COL14A1: variants seen among roughly 807,000 people sequenced by gnomAD.
The protein encoded by COL14A1 is collagen type XIV alpha 1 chain.
COL14A1 carries 136 observed loss-of-function variants against 230.3 expected under a neutral mutation model. The observed-to-expected ratio is 0.59, with a 90% CI of 0.51 to 0.68. The LOEUF (loss-of-function observed/expected upper bound fraction) is 0.68, where lower values mean the gene tolerates loss of function less well. Ranked by LOEUF, COL14A1 falls within the 30% of genes least tolerant of loss-of-function variation. The probability of loss-of-function intolerance (pLI) is 0.00; values close to 1 mark genes in which losing one functional copy is unlikely to be tolerated. For missense variants in COL14A1, 1,976 were observed against 2,215.8 expected (o/e 0.89, Z 2.17); for synonymous variants, 792 against 784.1 (o/e 1.01, Z -0.17).
chr8:120,363,978 G>T (rs75920168), intron 45 of COL14A1, among the ~76,000 whole-genome samples: 55 of 152,312 alleles, frequency 3.6e-4, no homozygotes, highest in South Asian at 6.2e-4. Context: ...GGTTCTACCT[G>T]CTATGGTTAT....
At chr8:120,270,771 T>C (rs1175877037) in intron 26 of COL14A1, among the ~76,000 whole-genome samples, 1 of 151,802 alleles carries the variant, frequency 6.6e-6, no homozygotes, top group Non-Finnish European at 1.5e-5. Flanking sequence ...TACACATCGT[T>C]GGCAGAAACG....
intron 20 of COL14A1, among the ~76,000 whole-genome samples, chr8:120,245,341 T>C (rs1818729908): frequency 1.3e-5 from 2 of 152,190 alleles, no homozygotes; most frequent in East Asian, 3.9e-4. Context: ...GCCTCATCAA[T>C]ACTGTTCACC....
chr8:120,315,746 A>G (rs1821202373), intron 39 of COL14A1, among the ~76,000 whole-genome samples, 160 bp downstream of exon 39: 1 of 152,200 alleles, frequency 6.6e-6, no homozygotes, highest in Non-Finnish European at 1.5e-5. Context: ...TGAGAGTCAC[A>G]CTGATGTTCC....
chr8:120,231,535 G>C lies in COL14A1; in HGVS notation c.2266G>C (p.Asp756His). The C allele has an allele frequency of 1.2e-6, 2 of 1,614,042 alleles. No individual in the cohort carries two copies. Among genetic ancestry groups the C allele is most frequent in the Non-Finnish European group, 1.7e-6 (2 of 1,179,986 alleles). ...TACTTCTAGCCTGCGGGTAAAATGGGACATTTCTGACAGCGATGTGCAGCA... is the reference window on the plus strand; with the variant it reads ...TACTTCTAGCCTGCGGGTAAAATGGCACATTTCTGACAGCGATGTGCAGCA... ...ETTSSLRVKW[D>H]ISDSDVQQFR... The change falls in exon 19 of 48, where the codon GAC becomes CAC. Residue 756 changes from aspartate to histidine, a missense_variant. Asp to His is a moderately conservative substitution (Grantham distance 81). Coordinates refer to ENST00000297848, the MANE Select transcript of COL14A1 (RefSeq NM_021110.4).
chr8:120,189,391 G>A (rs1816744475), intron 5 of COL14A1, among the ~76,000 whole-genome samples: 1 of 151,834 alleles, frequency 6.6e-6, no homozygotes, highest in Non-Finnish European at 1.5e-5. Flanking sequence ...ATACTTTGCA[G>A]TACAAAACCA....
chr8:120,336,527 C>G (rs1822077820), intron 42 of COL14A1, among the ~76,000 whole-genome samples: 1 of 152,120 alleles, frequency 6.6e-6, no homozygotes, highest in African/African-American at 2.4e-5. Flanking sequence ...CTCATTGGCC[C>G]CCTGGTCTCT....
At position 120,341,314 on chromosome 8, in the gene COL14A1, C is replaced by A. The variant is rs375361027; in HGVS notation, c.4786-11C>A. 3.6e-5 allele frequency: 58 copies of A among 1,613,890 alleles called. No individual in the cohort carries two copies. The highest frequency in any genetic ancestry group is 6.7e-5 in the East Asian group (3 of 44,888). On this transcript the variant is annotated splice_polypyrimidine_tract_variant and intron_variant, in intron 42 of 47. Transcript: ENST00000297848. ...TATCATAAGTAACTTGACAATTTTC[C>A]ATTTATACAGGGTGTCCCTGGAGCA...
chr8:120,174,844 G>A (rs927722797), intron 5 of COL14A1, among the ~76,000 whole-genome samples: 6 of 152,222 alleles, frequency 3.9e-5, no homozygotes, highest in Non-Finnish European at 7.4e-5. Context: ...CCAGGACAGA[G>A]TTACGGCTCC....
At chr8:120,327,140 A>G (rs1821701903) in intron 40 of COL14A1, among the ~76,000 whole-genome samples, 1 of 152,188 alleles carries the variant, frequency 6.6e-6, no homozygotes, top group African/African-American at 2.4e-5. Context: ...GTCCATGAAA[A>G]AAGTGCCAGA....
Position 120,248,917 on chromosome 8 carries a change from CTTTTTTT to C in COL14A1, c.2602+1202_2602+1208del, listed in dbSNP as rs71571673. 5.3e-4 allele frequency among the ~76,000 whole-genome samples: 45 copies of C among 84,224 alleles called. 1 individual carries two copies. In the South Asian group the frequency reaches 8.1e-3, roughly 15 times the overall value. 55.3% of individuals were successfully genotyped at this position (84,224 alleles called of 152,430 possible). A position where few individuals can be genotyped will look rare whatever the true frequency, so the allele number is the denominator to read the frequency against. On this transcript the variant is annotated intron_variant, in intron 21 of 47. Transcript: ENST00000297848. ...AAAAACTCCATTAGTTTCAATCTTT[CTTTTTTT>C]TTTTTTTTTTTTTTTTTTTGAGACG...
chr8:120,212,350 A>T lies in COL14A1; in HGVS notation c.1468-98A>T, dbSNP rs117409298. ...ATGAAGGGGTTGTAACAGGACGTAA[A>T]GTCTTATCCCATGAAGTCTCACCTT... On this transcript the variant is annotated intron_variant, in intron 12 of 47. Coordinates refer to ENST00000297848, the MANE Select transcript of COL14A1 (RefSeq NM_021110.4). 4,638 of 1,232,830 alleles carry T rather than the reference A, an allele frequency of 3.8e-3. 26 individuals carry two copies. The highest frequency in any genetic ancestry group is 4.6e-3 in the Non-Finnish European group (4,043 of 879,878). The allele number at this position is 1,232,830 out of a possible 1,614,324, so 76.4% of individuals were successfully genotyped here. A position where few individuals can be genotyped will look rare whatever the true frequency, so the allele number is the denominator to read the frequency against.
intron 9 of COL14A1, 53 bp downstream of exon 9, chr8:120,203,923 C>G (rs1167290386): frequency 5.2e-6 from 8 of 1,527,392 alleles, no homozygotes; most frequent in Non-Finnish European, 6.2e-6. Flanking sequence ...GGTGCACAAG[C>G]CTATTGTGAA....
chr8:120,359,160 C>A (rs186390402), intron 45 of COL14A1, among the ~76,000 whole-genome samples: 60 of 151,906 alleles, frequency 3.9e-4, no homozygotes, highest in African/African-American at 1.4e-3. Context: ...CTGCACCTAT[C>A]GACCCGTCAT....
intron 35 of COL14A1, among the ~76,000 whole-genome samples, chr8:120,299,074 C>G (rs895367242): frequency 5.3e-5 from 8 of 151,914 alleles, no homozygotes; most frequent in Admixed American, 4.6e-4. Context: ...CCCTATGATT[C>G]ATACCTGGCT....
chr8:120,218,547 C>T (rs904529253), intron 14 of COL14A1, among the ~76,000 whole-genome samples: 3 of 151,950 alleles, frequency 2.0e-5, no homozygotes, highest in Non-Finnish European at 4.4e-5. Context: ...TGACCTCAGG[C>T]AATCCGCCCG....
intron 5 of COL14A1, among the ~76,000 whole-genome samples, chr8:120,188,186 A>G (rs10955959): frequency 0.36 from 55,033 of 151,254 alleles, 10,383 homozygotes; most frequent in Admixed American, 0.49. Context: ...GGGTTCAAGC[A>G]ATTCTCCTGC....
chr8:120,244,114 A>G (rs1016802735), intron 20 of COL14A1, 106 bp downstream of exon 20: 1 of 1,343,280 alleles, frequency 7.4e-7, no homozygotes, highest in South Asian at 1.4e-5. Context: ...TGAAGAAACT[A>G]AAAGATTTGG....
intron 14 of COL14A1, among the ~76,000 whole-genome samples, chr8:120,220,328 C>T (rs1045238522): frequency 6.8e-6 from 1 of 146,258 alleles, no homozygotes; most frequent in African/African-American, 2.6e-5. Flanking sequence ...GGCTGGAGTG[C>T]AGTGGCACGA....
intron 17 of COL14A1, 88 bp from the exon 18 acceptor site, chr8:120,228,622 A>G: frequency 1.0e-6 from 1 of 958,612 alleles, no homozygotes; most frequent in Non-Finnish European, 1.7e-6. Context: ...GAGATAATAT[A>G]GGTGAAATGT....
Sources: allele counts gnomAD v4.1 joint callset (sites outside exome capture counted in the v4.1 genomes callset), GRCh38; gene constraint gnomAD v4.1.1; transcripts MANE v1.5; gene names NCBI Gene and HGNC (gene_info 2026-07-23, HGNC 2026-07-21).